Variants in KCNH8 observed in about 807,000 individuals in gnomAD.
KCNH8 encodes voltage-gated delayed rectifier potassium channel KCNH8.
A neutral mutation model predicts 103.6 loss-of-function variants in KCNH8; 70 were observed. The ratio of observed to expected loss-of-function variants is 0.68; its 90% CI spans 0.56 to 0.82. The LOEUF (loss-of-function observed/expected upper bound fraction) is 0.82, where lower values mean the gene tolerates loss of function less well. Among genes scored for constraint, KCNH8 ranks in the 40% least tolerant of loss-of-function variants. The pLI is 0.00. For missense variants in KCNH8, 1,217 were observed against 1,329.9 expected (o/e 0.92, Z 1.32); for synonymous variants, 498 against 489.4 (o/e 1.02, Z -0.23).
chr3:19,254,774 A>G (rs1425589190), intron 2 of KCNH8, among the ~76,000 whole-genome samples: 3 of 152,110 alleles, frequency 2.0e-5, no homozygotes, highest in Non-Finnish European at 2.9e-5. Context: ...TAGCTAGTGC[A>G]TGGCTACCAA....
chr3:19,164,977 A>G (rs11922557), intron 1 of KCNH8, among the ~76,000 whole-genome samples: 7,013 of 152,200 alleles, frequency 0.046, 518 homozygotes, highest in African/African-American at 0.16. Flanking sequence ...CTTCTGGCTC[A>G]TCAGTGGTTC....
At chr3:19,396,688 T>A (rs2125135275) in intron 7 of KCNH8, among the ~76,000 whole-genome samples, 1 of 152,132 alleles carries the variant, frequency 6.6e-6, no homozygotes, top group East Asian at 1.9e-4. Flanking sequence ...GAAGAGTTGG[T>A]TAAAAGGAGG....
At chr3:19,151,317 C>G (rs920222002) in intron 1 of KCNH8, among the ~76,000 whole-genome samples, 2 of 152,070 alleles carry the variant, frequency 1.3e-5, no homozygotes, top group African/African-American at 4.8e-5. Flanking sequence ...GCCACCTACT[C>G]AAAAACTTTG....
At chr3:19,372,179 C>A (rs200764991) in intron 5 of KCNH8, among the ~76,000 whole-genome samples, 7,196 of 152,022 alleles carry the variant, frequency 0.047, 209 homozygotes, top group East Asian at 0.13. Context: ...GTGGATGGCA[C>A]TGAATCTATA....
At chr3:19,254,341 A>G (rs1274501139) in intron 2 of KCNH8, among the ~76,000 whole-genome samples, 3 of 152,170 alleles carry the variant, frequency 2.0e-5, no homozygotes, top group Non-Finnish European at 4.4e-5. Context: ...CAGTTAAAAA[A>G]AAAAATTGGC....
At chr3:19,526,676 A>G (rs979414572) in intron 15 of KCNH8, among the ~76,000 whole-genome samples, 21 of 151,938 alleles carry the variant, frequency 1.4e-4, no homozygotes, top group African/African-American at 5.1e-4. Context: ...TAGTAACACA[A>G]TGTTTTGAAA....
At chr3:19,389,863 C>T (rs762817119) in intron 5 of KCNH8, among the ~76,000 whole-genome samples, 1 of 152,172 alleles carries the variant, frequency 6.6e-6, no homozygotes. Context: ...CTTCTGAGCT[C>T]GGGCAATTCT....
chr3:19,397,523 G>T (rs1450347867), intron 7 of KCNH8, among the ~76,000 whole-genome samples: 3 of 148,844 alleles, frequency 2.0e-5, no homozygotes, highest in African/African-American at 7.4e-5. Flanking sequence ...ATATATACGT[G>T]TGTATATATA....
At chr3:19,529,153 T>C (rs2069117371) in intron 15 of KCNH8, among the ~76,000 whole-genome samples, 1 of 151,880 alleles carries the variant, frequency 6.6e-6, no homozygotes, top group African/African-American at 2.4e-5. Flanking sequence ...TAAAGTAGGG[T>C]TTGTGAAGGG....
intron 7 of KCNH8, among the ~76,000 whole-genome samples, chr3:19,405,950 T>C (rs1008408871): frequency 2.0e-5 from 3 of 152,178 alleles, no homozygotes; most frequent in Non-Finnish European, 4.4e-5. Context: ...TATAGTTTTA[T>C]GTTTCATTAG....
At chr3:19,487,282 A>G (rs77857683) in intron 11 of KCNH8, among the ~76,000 whole-genome samples, 14,774 of 152,166 alleles carry the variant, frequency 0.097, 1,550 homozygotes, top group East Asian at 0.27. Flanking sequence ...AGGTAAACCA[A>G]CTGTCCTTAG....
chr3:19,231,501 G>T (rs964806843), intron 1 of KCNH8, among the ~76,000 whole-genome samples: 70 of 152,096 alleles, frequency 4.6e-4, no homozygotes, highest in African/African-American at 1.7e-3. Context: ...AATCAGAACA[G>T]ACAATTTAAA....
At position 19,253,642 on chromosome 3, in the gene KCNH8, G is replaced by T; in HGVS notation, c.77-12G>T. ...TCTAGTTGCTGAGTATCTTCTCCTTGTTTTTCTATAGATAGCAACTTCATC... is the reference window on the plus strand; with the variant it reads ...TCTAGTTGCTGAGTATCTTCTCCTTTTTTTTCTATAGATAGCAACTTCATC... On this transcript the variant is annotated splice_polypyrimidine_tract_variant and intron_variant, in intron 1 of 15. Coordinates refer to ENST00000328405, the MANE Select transcript of KCNH8 (RefSeq NM_144633.3). The T allele has an allele frequency of 6.3e-7, 1 of 1,589,544 alleles. No individual in the cohort carries two copies. Among genetic ancestry groups the T allele is most frequent in the Non-Finnish European group, 8.6e-7 (1 of 1,158,474 alleles).
chr3:19,456,980 G>T lies in KCNH8; in HGVS notation c.2038G>T (p.Asp680Tyr). The change falls in exon 11 of 16, where the codon GAT becomes TAT. Residue 680 changes from aspartate to tyrosine, a missense_variant and splice_region_variant. Coordinates refer to ENST00000328405, the MANE Select transcript of KCNH8 (RefSeq NM_144633.3). ...TYNLREGHES[D>Y]VISRLSNKSM... ...CAACCTCCGAGAAGGTCATGAGAGT[G>T]ATGTAAGTCCCATTTCTAATTAGTG... The T allele has an allele frequency of 5.0e-6, 8 of 1,604,738 alleles. No individual in the cohort carries two copies. The South Asian group carries it at 8.8e-5, about 18-fold the overall frequency.
At chr3:19,191,084 A>G (rs140301689) in intron 1 of KCNH8, among the ~76,000 whole-genome samples, 220 of 152,038 alleles carry the variant, frequency 1.4e-3, no homozygotes, top group African/African-American at 4.2e-3. Flanking sequence ...AGATGATCAC[A>G]TCTTGAAACT....
chr3:19,327,989 G>A lies in KCNH8; in HGVS notation c.443-14598G>A, dbSNP rs11927816. Among the ~76,000 whole-genome samples the A allele has an allele frequency of 5.3e-3, 814 of 152,172 alleles. 6 individuals are homozygous for A. The highest frequency in any genetic ancestry group is 0.018 in the African/African-American group (760 of 41,522). On this transcript the variant is annotated intron_variant, in intron 3 of 15. Coordinates refer to ENST00000328405, the MANE Select transcript of KCNH8 (RefSeq NM_144633.3). ...GAAACTTAAGAGATGCTCAATAAGT[G>A]TTACTTTATTTCTTCCTGTTTCTAC...
chr3:19,257,049 T>G (rs2064355872), intron 2 of KCNH8, among the ~76,000 whole-genome samples: 1 of 152,054 alleles, frequency 6.6e-6, no homozygotes, highest in African/African-American at 2.4e-5. Flanking sequence ...AGTAAATACT[T>G]GCTGAAGGGA....
chr3:19,381,233 T>G (rs915475343), intron 5 of KCNH8, among the ~76,000 whole-genome samples: 3 of 152,178 alleles, frequency 2.0e-5, no homozygotes, highest in Non-Finnish European at 4.4e-5. Flanking sequence ...TAAATGAATC[T>G]GCACATATAT....
chr3:19,186,222 A>G (rs2063501049), intron 1 of KCNH8, among the ~76,000 whole-genome samples: 1 of 151,510 alleles, frequency 6.6e-6, no homozygotes, highest in Non-Finnish European at 1.5e-5. Flanking sequence ...GCTGCATCGC[A>G]CAATTCACAG....
Sources: gnomAD v4.1 joint callset for allele counts (sites outside exome capture counted in the v4.1 genomes callset) on GRCh38, gnomAD v4.1.1 for gene constraint, MANE v1.5 for transcripts, NCBI Gene and HGNC (gene_info 2026-07-23, HGNC 2026-07-21) for gene names.